Variants in NFIB observed in about 807,000 individuals in gnomAD.
NFIB encodes the protein nuclear factor 1 B-type.
Under a neutral mutation model 61.5 loss-of-function variants are expected in NFIB, and 11 were observed. The observed-to-expected ratio is 0.18, with a 90% CI of 0.11 to 0.30. The LOEUF (loss-of-function observed/expected upper bound fraction) is 0.30, where lower values mean the gene tolerates loss of function less well. Among genes scored for constraint, NFIB ranks in the 10% least tolerant of loss-of-function variants. The pLI is 1.00. For missense variants in NFIB, 471 were observed against 608.9 expected (o/e 0.77, Z 2.38); for synonymous variants, 260 against 216.5 (o/e 1.20, Z -1.76).
intron 2 of NFIB, among the ~76,000 whole-genome samples, chr9:14,253,609 T>C (rs527433676): frequency 5.5e-4 from 83 of 152,236 alleles, no homozygotes; most frequent in African/African-American, 1.7e-3. Flanking sequence ...GGCGGGAGGA[T>C]TGCTTAAGCT....
At chr9:14,376,603 G>A (rs1308954657) in intron 1 of NFIB, among the ~76,000 whole-genome samples, 4 of 149,074 alleles carry the variant, frequency 2.7e-5, no homozygotes, top group South Asian at 2.1e-4. Flanking sequence ...TGCAACCTCC[G>A]CCTCCCAGGT....
intron 2 of NFIB, among the ~76,000 whole-genome samples, chr9:14,189,700 C>T (rs555973585): frequency 6.1e-4 from 92 of 150,854 alleles, no homozygotes; most frequent in Non-Finnish European, 1.3e-3. Context: ...TCTTCTGCTA[C>T]ATTTTAAAAC....
At chr9:14,521,350 G>C in the NFIB span, among the ~76,000 whole-genome samples, 1 of 152,126 alleles carries the variant, frequency 6.6e-6, no homozygotes, top group Non-Finnish European at 1.5e-5. Context: ...GTAATGTTCT[G>C]TTCAGAAGTC....
At chr9:14,366,458 C>A (rs544711230) in intron 1 of NFIB, among the ~76,000 whole-genome samples, 4 of 152,184 alleles carry the variant, frequency 2.6e-5, no homozygotes, top group East Asian at 1.9e-4. Context: ...CTTTCTGTAA[C>A]CTTCTGACCA....
At chr9:14,113,123 T>C in intron 9 of NFIB, 42 bp from the exon 10 acceptor site, 1 of 1,514,200 alleles carries the variant, frequency 6.6e-7, no homozygotes, top group South Asian at 1.2e-5. Context: ...AATTGTGAAC[T>C]ATCAGAACGA....
chr9:14,499,901 G>A, the NFIB span, among the ~76,000 whole-genome samples: 7 of 152,192 alleles, frequency 4.6e-5, no homozygotes, highest in African/African-American at 1.7e-4. Context: ...ACCCTTAAAA[G>A]AGCACAATTG....
chr9:14,296,733 C>T (rs10810128), intron 2 of NFIB, among the ~76,000 whole-genome samples: 115,290 of 152,142 alleles, frequency 0.76, 48,401 homozygotes, highest in Non-Finnish European at 0.95. Context: ...GAGAAATAAG[C>T]TTTAGTGTCT....
chr9:14,204,448 A>G (rs2049403401), intron 2 of NFIB: 1 of 1,079,862 alleles, frequency 9.3e-7, no homozygotes, highest in Non-Finnish European at 1.4e-6. Flanking sequence ...AGCGGCAGAG[A>G]GTCATCCTCT....
At chr9:14,098,024 C>A (rs1364205991) in intron 10 of NFIB, among the ~76,000 whole-genome samples, 1 of 151,906 alleles carries the variant, frequency 6.6e-6, no homozygotes, top group African/African-American at 2.4e-5. Flanking sequence ...TGTAAAGTAA[C>A]TACAGAATGA....
At chr9:14,382,272 C>T (rs1031581837) in intron 1 of NFIB, among the ~76,000 whole-genome samples, 4 of 152,088 alleles carry the variant, frequency 2.6e-5, no homozygotes, top group African/African-American at 9.7e-5. Flanking sequence ...ATAACTAGCT[C>T]ATGTTTGAGA....
At chr9:14,402,246 C>T (rs1386511661), upstream of NFIB, among the ~76,000 whole-genome samples, 2 of 152,162 alleles carry the variant, frequency 1.3e-5, no homozygotes, top group Non-Finnish European at 2.9e-5. Flanking sequence ...CCTCAAACTA[C>T]ATTTTGGGAG....
intron 2 of NFIB, among the ~76,000 whole-genome samples, chr9:14,183,690 C>T (rs950370443): frequency 6.6e-6 from 1 of 152,054 alleles, no homozygotes; most frequent in African/African-American, 2.4e-5. Flanking sequence ...CAGGTGTGAG[C>T]CACCACACCC....
At chr9:14,494,179 A>G in the NFIB span, among the ~76,000 whole-genome samples, 9,806 of 152,276 alleles carry the variant, frequency 0.064, 468 homozygotes, top group East Asian at 0.14. Context: ...CCATTTGCCT[A>G]TGGTTTAAAT....
At chr9:14,395,726 CTTT>C (rs35417792) in intron 1 of NFIB, among the ~76,000 whole-genome samples, 61 of 65,742 alleles carry the variant, frequency 9.3e-4, no homozygotes, top group South Asian at 6.4e-3. Context: ...ATTCTTTTGA[CTTT>C]TTTTTTTTTT....
At chr9:14,323,489 T>C (rs1346870654) in intron 1 of NFIB, among the ~76,000 whole-genome samples, 3 of 152,190 alleles carry the variant, frequency 2.0e-5, no homozygotes, top group Admixed American at 6.5e-5. Flanking sequence ...AGTAAAAATA[T>C]AACACTAGCC....
At chr9:14,404,298 G>A in the NFIB span, among the ~76,000 whole-genome samples, 1 of 152,074 alleles carries the variant, frequency 6.6e-6, no homozygotes, top group Non-Finnish European at 1.5e-5. Flanking sequence ...TCTTTGATTT[G>A]GTAAACATTT....
At chr9:14,322,755 C>A (rs1009391345) in intron 1 of NFIB, among the ~76,000 whole-genome samples, 1 of 151,982 alleles carries the variant, frequency 6.6e-6, no homozygotes, top group African/African-American at 2.4e-5. Context: ...GGTGTGGCGG[C>A]CTGCGCCGCG....
chr9:14,452,427 G>A, the NFIB span, among the ~76,000 whole-genome samples: 6 of 124,238 alleles, frequency 4.8e-5, no homozygotes, highest in African/African-American at 2.0e-4. Flanking sequence ...AAGGAAGGGA[G>A]GGAGGGAGGG....
At chr9:14,477,340 C>T in the NFIB span, among the ~76,000 whole-genome samples, 12 of 152,264 alleles carry the variant, frequency 7.9e-5, no homozygotes, top group South Asian at 2.1e-3. Flanking sequence ...TCTGAAGTGA[C>T]GGTAGGTATT....
Sources: gnomAD v4.1 joint callset for allele counts (sites outside exome capture counted in the v4.1 genomes callset) on GRCh38, gnomAD v4.1.1 for gene constraint, MANE v1.5 for transcripts, NCBI Gene and HGNC (gene_info 2026-07-23, HGNC 2026-07-21) for gene names.